COL7A1: variants seen among roughly 807,000 people sequenced by gnomAD.
COL7A1 encodes collagen type VII alpha 1 chain, also known as collagen alpha-1(VII) chain.
In COL7A1, 296 loss-of-function variants were observed where a neutral mutation model predicts 456.2. That is an observed-to-expected ratio of 0.65 (90% CI 0.59 to 0.71). COL7A1 has a LOEUF of 0.71. Ranked by LOEUF, COL7A1 falls within the 30% of genes least tolerant of loss-of-function variation. The probability of loss-of-function intolerance (pLI) is 0.00; values close to 1 mark genes in which losing one functional copy is unlikely to be tolerated. For synonymous variants in COL7A1, 1,464 were observed against 1,525.9 expected (o/e 0.96, Z 0.95); for missense variants, 3,441 against 4,017.2 (o/e 0.86, Z 3.88).
Position 48,571,955 on chromosome 3 carries a change from C to T in COL7A1, c.7068+46G>A. 1 of 1,605,514 alleles carries T rather than the reference C, an allele frequency of 6.2e-7. No individual in the cohort carries two copies. The highest frequency in any genetic ancestry group is 8.5e-7 in the Non-Finnish European group (1 of 1,176,362). The stretch of plus-strand genomic sequence containing the variant: ...AAGAGTGGCCCCTTATGCCCGCCAT[C>T]ACACTCCTCAGGCCAGGCTCGCCCT... On this transcript the variant is annotated intron_variant, in intron 92 of 118. Coordinates refer to ENST00000681320, the MANE Select transcript of COL7A1 (RefSeq NM_000094.4). This position sits in a 1 kb window ranked among gnomAD's most constrained non-coding sequence, Gnocchi z 4.6.
intron 18 of COL7A1, 27 bp from the exon 19 acceptor site, chr3:48,589,022 C>G (rs750136702): frequency 2.5e-6 from 4 of 1,612,996 alleles, no homozygotes; most frequent in Non-Finnish European, 3.4e-6. Context: ...GGTAAGGGGT[C>G]CTGGTAGAGA....
Position 48,566,211 on chromosome 3 carries a change from G to A in COL7A1, c.8407+56C>T. Reference sequence around the variant, plus strand: ...CCCTGTAAGTTCTAGGGGCCTGCCTGCCCTTGCCTAGGGTGCTGGGGTGGA... The same window carrying A: ...CCCTGTAAGTTCTAGGGGCCTGCCTACCCTTGCCTAGGGTGCTGGGGTGGA... On this transcript the variant is annotated intron_variant, in intron 114 of 118. Transcript: ENST00000681320. This position sits in a 1 kb window ranked among gnomAD's most constrained non-coding sequence, Gnocchi z 5.9. 2.6e-6 allele frequency: 4 copies of A among 1,559,174 alleles called. 1 individual carries two copies. Among genetic ancestry groups the A allele is most frequent in the Non-Finnish European group, 2.6e-6 (3 of 1,148,232 alleles).
rs780121797 is a variant in COL7A1, at chr3:48,579,200, C to T, written c.5385G>A (p.Pro1795=). 2.3e-5 allele frequency: 37 copies of T among 1,613,152 alleles called. No individual in the cohort carries two copies. In the African/African-American group the frequency reaches 3.7e-4, roughly 16 times the overall value. ...GKPGAAGPSG[P]NGAAGKAGDP... ...AGGCAGGACTACCAAGACTCACATT[C>T]GGCCCAGAGGGCCCAGCGGCTCCTG... is the stretch of plus-strand genomic sequence containing the variant. Residue 1795 remains proline (P), a synonymous_variant, in exon 62 of 119, where the codon CCG becomes CCA. Coordinates refer to ENST00000681320, the MANE Select transcript of COL7A1 (RefSeq NM_000094.4). This position sits in a 1 kb window ranked among gnomAD's most constrained non-coding sequence, Gnocchi z 4.4.
In COL7A1 at chr3:48,568,450, G is replaced by T. The variant is rs749145831; in HGVS notation, c.7794+49C>A. 5.8e-6 allele frequency: 9 copies of T among 1,546,162 alleles called. No individual in the cohort carries two copies. The Middle Eastern group carries it at 5.2e-4, about 89-fold the overall frequency. ...ACACTGGTGGGACCACCATGGTGAC[G>T]GGGGCCCTCTGGGGACAGGGGGCCC... On this transcript the variant is annotated intron_variant, in intron 105 of 118. Coordinates refer to ENST00000681320, the MANE Select transcript of COL7A1 (RefSeq NM_000094.4). This position sits in a 1 kb window ranked among gnomAD's most constrained non-coding sequence, Gnocchi z 5.2.
In COL7A1 at chr3:48,571,396, G is replaced by C. The variant is rs1318530135; in HGVS notation, c.7069-118C>G. On this transcript the variant is annotated intron_variant, in intron 92 of 118. Coordinates refer to ENST00000681320, the MANE Select transcript of COL7A1 (RefSeq NM_000094.4). The surrounding 1 kb of genome is among the most constrained non-coding windows in gnomAD (Gnocchi z 4.6). ...GTGACCATGAACACATGGGAACTCA[G>C]ACATGCGACCAAGAATTGGCTCACA... The C allele has an allele frequency of 7.8e-7, 1 of 1,288,280 alleles. No individual in the cohort carries two copies. Among genetic ancestry groups the C allele is most frequent in the Non-Finnish European group, 1.1e-6 (1 of 899,244 alleles). The allele number at this position is 1,288,280 out of a possible 1,614,324, so 79.8% of individuals were successfully genotyped here. A position where few individuals can be genotyped will look rare whatever the true frequency, so the allele number is the denominator to read the frequency against.
chr3:48,591,631 G>A lies in COL7A1; in HGVS notation c.1508-39C>T, dbSNP rs749491360. 8.1e-6 allele frequency: 13 copies of A among 1,613,262 alleles called. No homozygotes were observed. In the Admixed American group the frequency reaches 1.5e-4, roughly 19 times the overall value. On this transcript the variant is annotated intron_variant, in intron 12 of 118. Transcript: ENST00000681320. This position sits in a 1 kb window ranked among gnomAD's most constrained non-coding sequence, Gnocchi z 7.0. ...CAGCATAGAGGCAGCCTGGGGCTCC[G>A]ACACCTCCCCCACTCACTGGCCCAG...
chr3:48,566,991 G>A lies in COL7A1; in HGVS notation c.8142C>T (p.Pro2714=). ...GTPGIGGFPG[P]SGNDGSAGPP... ...GACCAGCAGAGCCATCATTTCCACT[G>A]GGGCCTGGGAAGCCCCCAATTCCTG... Residue 2714 remains proline (P), a synonymous_variant, in exon 111 of 119, where the codon CCC becomes CCT. Coordinates refer to ENST00000681320, the MANE Select transcript of COL7A1 (RefSeq NM_000094.4). This position sits in a 1 kb window ranked among gnomAD's most constrained non-coding sequence, Gnocchi z 5.9. 1 of 1,612,448 alleles carries A rather than the reference G, an allele frequency of 6.2e-7. No individual in the cohort carries two copies. The highest frequency in any genetic ancestry group is 8.5e-7 in the Non-Finnish European group (1 of 1,178,778).
rs1388419228 is a variant in COL7A1 at position 48,586,076 on chromosome 3, G to C, written c.3721C>G (p.Gln1241Glu). 3 of 1,613,562 alleles carry C rather than the reference G, an allele frequency of 1.9e-6. No individual in the cohort carries two copies. The highest frequency in any genetic ancestry group is 1.1e-5 in the South Asian group (1 of 91,084). ...TALCQASFTTQPRPEPCPVYC... is the reference protein window; with the variant it reads ...TALCQASFTTEPRPEPCPVYC... ...TCCCCCAGAGGCCTCTTCCAAACCT[G>C]AGTAGTGAAGGATGCCTGACACAGG... The change falls in exon 28 of 119, where the codon CAG becomes GAG. Residue 1241 changes from glutamine (Q) to glutamate (E), a missense_variant and splice_region_variant. By Grantham distance (29) the Gln-to-Glu change is conservative. Coordinates refer to ENST00000681320, the MANE Select transcript of COL7A1 (RefSeq NM_000094.4). This position sits in a 1 kb window ranked among gnomAD's most constrained non-coding sequence, Gnocchi z 5.1.
chr3:48,578,573 C>A lies in COL7A1; in HGVS notation c.5425-58G>T. 1.3e-6 allele frequency: 2 copies of A among 1,583,390 alleles called. No individual in the cohort carries two copies. The highest frequency in any genetic ancestry group is 1.1e-5 in the South Asian group (1 of 90,288). On this transcript the variant is annotated intron_variant, in intron 63 of 118. Transcript: ENST00000681320. The surrounding 1 kb of genome is among the most constrained non-coding windows in gnomAD (Gnocchi z 4.7). Reference sequence around the variant, plus strand: ...CTCTGAGATATCCCTTGGGGCACACCCCATGGACTAAGAGGACCCCAAAAA... The same window carrying A: ...CTCTGAGATATCCCTTGGGGCACACACCATGGACTAAGAGGACCCCAAAAA...
Position 48,581,984 on chromosome 3 carries a change from G to A in COL7A1, c.4636-41C>T. 1 of 1,613,808 alleles carries A rather than the reference G, an allele frequency of 6.2e-7. No individual in the cohort carries two copies. On this transcript the variant is annotated intron_variant, in intron 47 of 118. Transcript: ENST00000681320. The surrounding 1 kb of genome is among the most constrained non-coding windows in gnomAD (Gnocchi z 5.8). Reference sequence around the variant, plus strand: ...ACAGATACAGCTTGGCCCTGCCTTGGGGTTGTATGATCAAAGTCTTCATTG... The same window carrying A: ...ACAGATACAGCTTGGCCCTGCCTTGAGGTTGTATGATCAAAGTCTTCATTG...
Position 48,570,463 on chromosome 3 carries a change from A to G in COL7A1, c.7380+2T>C, listed in dbSNP as rs1249145909. On this transcript the variant is annotated splice_donor_variant, in intron 97 of 118. Coordinates refer to ENST00000681320, the MANE Select transcript of COL7A1 (RefSeq NM_000094.4). LOFTEE classifies it high-confidence loss of function. This position sits in a 1 kb window ranked among gnomAD's most constrained non-coding sequence, Gnocchi z 5.5. ...AGAGTCAGCAGCACTTGTCCCACCT[A>G]CCTTGTCTCCTTTGAGTCCAGAGGC... The G allele has an allele frequency of 1.2e-6, 2 of 1,613,842 alleles. No individual in the cohort carries two copies. The highest frequency in any genetic ancestry group is 1.7e-5 in the Admixed American group (1 of 59,996).
Position 48,575,893 on chromosome 3 carries a change from G to A in COL7A1, c.5830C>T (p.Arg1944Trp), listed in dbSNP as rs527416146. The A allele has an allele frequency of 2.7e-5, 43 of 1,614,092 alleles. No homozygotes were observed. In the East Asian group the frequency reaches 4.0e-4, roughly 15 times the overall value. The change falls in exon 72 of 119, where the codon CGG becomes TGG. Residue 1944 changes from arginine to tryptophan, a missense_variant. By Grantham distance (101) the Arg-to-Trp change is moderately radical. Transcript: ENST00000681320. The surrounding 1 kb of genome is among the most constrained non-coding windows in gnomAD (Gnocchi z 6.3). ...TTGATGCCAGCAGTTTCCAGCAACC[G>A]ATCCACATTCTGGGGACAAAGTCTG... ...GEPGSVPNVD[R>W]LLETAGIKAS... is the part of the protein sequence containing the mutation.
Position 48,574,393 on chromosome 3 carries a change from C to A in COL7A1, c.6457-87G>T. 1 of 1,612,774 alleles carries A rather than the reference C, an allele frequency of 6.2e-7. No individual in the cohort carries two copies. The highest frequency in any genetic ancestry group is 8.5e-7 in the Non-Finnish European group (1 of 1,178,860). Reference sequence around the variant, plus strand: ...CCCCTAGACAGAGTCAGGACCCAGACAGTCCCAGGCAGTACAGACCCCAGC... The same window carrying A: ...CCCCTAGACAGAGTCAGGACCCAGAAAGTCCCAGGCAGTACAGACCCCAGC... On this transcript the variant is annotated intron_variant, in intron 79 of 118. Transcript: ENST00000681320. The surrounding 1 kb of genome is among the most constrained non-coding windows in gnomAD (Gnocchi z 5.0).
At position 48,565,406 on chromosome 3, in the gene COL7A1, T is replaced by A. The variant is rs1178238015; in HGVS notation, c.8527+4A>T. 1 of 1,602,110 alleles carries A rather than the reference T, an allele frequency of 6.2e-7. No individual in the cohort carries two copies. The highest frequency in any genetic ancestry group is 8.5e-7 in the Non-Finnish European group (1 of 1,174,678). On this transcript the variant is annotated splice_donor_region_variant and intron_variant, in intron 116 of 118. Transcript: ENST00000681320. This position sits in a 1 kb window ranked among gnomAD's most constrained non-coding sequence, Gnocchi z 4.5. ...AGCTGCCCCACGGGTTCAGCTGTCC[T>A]CACCTTCCTCCTCTGCATGAGAGAC...
At position 48,586,133 on chromosome 3, in the gene COL7A1, G is replaced by T. The variant is rs1446886095; in HGVS notation, c.3664C>A (p.Leu1222Met). ...TFFAVDDGPS[L>M]DQAVSGLATA... ...GCCAGACCACTGACTGCCTGGTCCA[G>T]GCTTGGCCCATCATCCACGGCGAAG... The change falls in exon 28 of 119, where the codon CTG (leucine) becomes ATG (methionine). Residue 1222 changes from leucine (L) to methionine (M), a missense_variant. By Grantham distance (15) the Leu-to-Met change is conservative (BLOSUM62 2). Around this residue, in one of 3 missense-constraint regions of COL7A1, gnomAD observed 2,084 missense variants for 2,501.3 expected, o/e 0.83. Transcript: ENST00000681320. The surrounding 1 kb of genome is among the most constrained non-coding windows in gnomAD (Gnocchi z 5.1). The T allele has an allele frequency of 6.2e-7, 1 of 1,613,504 alleles. No homozygotes were observed. Among genetic ancestry groups the T allele is most frequent in the Non-Finnish European group, 8.5e-7 (1 of 1,180,040 alleles).
In COL7A1 at chr3:48,580,146, T is replaced by G; in HGVS notation, c.5098-89A>C. On this transcript the variant is annotated intron_variant, in intron 56 of 118. Transcript: ENST00000681320. The surrounding 1 kb of genome is among the most constrained non-coding windows in gnomAD (Gnocchi z 4.5). ...CCCCAGGCTCAACTCTGCCCCCAAG[T>G]TCCCCGAAGCACCCCAATGCCAGCC... 1 of 1,564,506 alleles carries G rather than the reference T, an allele frequency of 6.4e-7. No individual in the cohort carries two copies. The highest frequency in any genetic ancestry group is 8.8e-7 in the Non-Finnish European group (1 of 1,142,260).
Position 48,576,425 on chromosome 3 carries a change from C to T in COL7A1, c.5747G>A (p.Gly1916Glu). 6.2e-7 allele frequency: 1 copy of T among 1,613,768 alleles called. No homozygotes were observed. Among genetic ancestry groups the T allele is most frequent in the South Asian group, 1.1e-5 (1 of 91,080 alleles). Reference protein sequence around the residue: ...PGGTGPKGDRGETGSKGEQGL... With the variant: ...PGGTGPKGDREETGSKGEQGL... ...CTGCTCCCCTTTGGATCCAGTCTCC[C>T]CACGGTCACCCTGAAAACAAGAATG... is the stretch of plus-strand genomic sequence containing the variant. The change falls in exon 70 of 119, where the codon GGG becomes GAG. Residue 1916 changes from glycine (G) to glutamate (E), a missense_variant. Transcript: ENST00000681320.
At position 48,568,490 on chromosome 3, in the gene COL7A1, G is replaced by C; in HGVS notation, c.7794+9C>G. On this transcript the variant is annotated intron_variant, in intron 105 of 118. Transcript: ENST00000681320. This position sits in a 1 kb window ranked among gnomAD's most constrained non-coding sequence, Gnocchi z 5.2. ...ACAGGGGGCCCCTGTGGGAGCAGGGGCATCTTACCGGGTCACCAGGGATCC... is the reference window on the plus strand; with the variant it reads ...ACAGGGGGCCCCTGTGGGAGCAGGGCCATCTTACCGGGTCACCAGGGATCC... 11 of 1,602,070 alleles carry C rather than the reference G, an allele frequency of 6.9e-6. No individual in the cohort carries two copies. Among genetic ancestry groups the C allele is most frequent in the Non-Finnish European group, 9.4e-6 (11 of 1,171,976 alleles).
Position 48,566,940 on chromosome 3 carries a change from A to C in COL7A1, c.8193T>G (p.Gly2731=). 1.2e-6 allele frequency: 2 copies of C among 1,610,642 alleles called. No homozygotes were observed. The highest frequency in any genetic ancestry group is 1.7e-6 in the Non-Finnish European group (2 of 1,177,820). The part of the protein sequence containing the change: ...AGPPGPPGSV[G]PRGPEGLQGQ... ...CCTGAAGTCCTTCGGGGCCTCTGGG[A>C]CCAACACTGCCAGGTGGCCCTGGGG... Residue 2731 remains glycine (G), a synonymous_variant, in exon 111 of 119, where the codon GGT becomes GGG. Coordinates refer to ENST00000681320, the MANE Select transcript of COL7A1 (RefSeq NM_000094.4). This position sits in a 1 kb window ranked among gnomAD's most constrained non-coding sequence, Gnocchi z 5.9.
Sources: gnomAD v4.1 joint callset for allele counts on GRCh38, gnomAD v4.1.1 for gene constraint, gnomAD v4.1.1 regional missense constraint, Gnocchi (gnomAD v3.1) non-coding constraint, MANE v1.5 for transcripts, NCBI Gene and HGNC (gene_info 2026-07-23, HGNC 2026-07-21) for gene names.